DENND2B: variants seen among roughly 807,000 people sequenced by gnomAD.
The protein encoded by DENND2B is DENN domain-containing protein 2B.
A neutral mutation model predicts 116.0 loss-of-function variants in DENND2B; 32 were observed. The ratio of observed to expected loss-of-function variants is 0.28; its 90% CI spans 0.21 to 0.37. DENND2B has a LOEUF of 0.37. DENND2B is among the 10% of genes least tolerant of loss of function. DENND2B has a pLI of 1.00. For missense variants in DENND2B, 1,276 were observed against 1,477.7 expected, an observed-to-expected ratio of 0.86 and a Z score of 2.24; for synonymous variants, 588 against 583.9, an observed-to-expected ratio of 1.01 and a Z score of -0.10.
intron 1 of DENND2B, among the ~76,000 whole-genome samples, chr11:8,807,372 C>A (rs1232684407): frequency 3.9e-5 from 6 of 152,206 alleles, no homozygotes; most frequent in Non-Finnish European, 8.8e-5. Flanking sequence ...TTCTTAGAAT[C>A]AGATGCGGTG....
At chr11:8,859,401 G>A (rs1343486026) in intron 2 of DENND2B, among the ~76,000 whole-genome samples, 1 of 151,974 alleles carries the variant, frequency 6.6e-6, no homozygotes, top group Non-Finnish European at 1.5e-5. Flanking sequence ...TCCGCCTCCC[G>A]GGTTCACGCC....
chr11:8,822,286 A>G (rs2061796247), intron 4 of DENND2B, among the ~76,000 whole-genome samples: 1 of 152,232 alleles, frequency 6.6e-6, no homozygotes, highest in African/African-American at 2.4e-5. Context: ...ACACTGTGAA[A>G]CAACTATCAC....
In DENND2B at chr11:8,887,940, C is replaced by T. The variant is rs749677084; in HGVS notation, c.-255-6831G>A. Among the ~76,000 whole-genome samples the T allele has an allele frequency of 6.8e-4, 104 of 152,098 alleles. 1 individual carries two copies. The highest frequency in any genetic ancestry group is 1.3e-3 in the Non-Finnish European group (89 of 68,004). ...TGGAACATCTTAGCCTTCGTTACTA[C>T]TGGGGATGGGGAGAAAAAAATAAAC... On this transcript the variant is annotated intron_variant, in intron 1 of 22. Coordinates refer to the DENND2B transcript ENST00000534127.
At chr11:8,704,822 C>T (rs768558392) in intron 13 of DENND2B, among the ~76,000 whole-genome samples, 4 of 152,120 alleles carry the variant, frequency 2.6e-5, no homozygotes, top group African/African-American at 4.8e-5. Flanking sequence ...CTCAGCCTCC[C>T]GAGTGGCTGG....
intron 4 of DENND2B, among the ~76,000 whole-genome samples, chr11:8,832,826 G>T (rs1180594381): frequency 1.3e-5 from 2 of 152,238 alleles, no homozygotes; most frequent in Non-Finnish European, 2.9e-5. Context: ...CAGGAGGCGA[G>T]GACACAGTGG....
At chr11:8,880,664 C>G (rs1214101792) in intron 2 of DENND2B, among the ~76,000 whole-genome samples, 1 of 152,092 alleles carries the variant, frequency 6.6e-6, no homozygotes, top group Non-Finnish European at 1.5e-5. Context: ...GCTATGGTCA[C>G]GCATGTTATC....
chr11:8,901,954 T>C (rs557440036), intron 1 of DENND2B, among the ~76,000 whole-genome samples: 1 of 152,328 alleles, frequency 6.6e-6, no homozygotes, highest in Admixed American at 6.5e-5. Flanking sequence ...TGGAGTTTCC[T>C]ATAGGTGTCA....
chr11:8,858,125 A>G (rs558744213), intron 2 of DENND2B, among the ~76,000 whole-genome samples: 2 of 152,326 alleles, frequency 1.3e-5, no homozygotes, highest in East Asian at 3.9e-4. Flanking sequence ...GGCTGTAGTT[A>G]TCACCTGTAC....
At chr11:8,792,010 A>G (rs1219954849) in intron 1 of DENND2B, among the ~76,000 whole-genome samples, 3 of 152,102 alleles carry the variant, frequency 2.0e-5, no homozygotes, top group African/African-American at 4.8e-5. Context: ...GTTCAAGACC[A>G]GCCTGGCAAA....
intron 4 of DENND2B, among the ~76,000 whole-genome samples, chr11:8,838,566 C>A (rs1424051566): frequency 3.9e-5 from 6 of 152,114 alleles, no homozygotes; most frequent in Non-Finnish European, 7.3e-5. Context: ...GTGACCTATG[C>A]CAGAGAGGAA....
chr11:8,762,774 C>T (rs577855440), intron 1 of DENND2B, among the ~76,000 whole-genome samples: 2 of 152,258 alleles, frequency 1.3e-5, no homozygotes, highest in South Asian at 2.1e-4. Context: ...GCAGGAGAAT[C>T]GCTTGAACCC....
At chr11:8,835,958 T>C (rs2062404582) in intron 4 of DENND2B, among the ~76,000 whole-genome samples, 1 of 143,000 alleles carries the variant, frequency 7.0e-6, no homozygotes, top group Admixed American at 7.1e-5. Flanking sequence ...CAGAGTTCTA[T>C]GTCACCTAGC....
intron 14 of DENND2B, chr11:8,700,064 T>G (rs2041254318): frequency 2.3e-6 from 1 of 441,202 alleles, no homozygotes; most frequent in African/African-American, 2.0e-5. Context: ...GGAGCTGGCC[T>G]GGGGGGGGGC....
At chr11:8,824,807 G>A (rs1315864817) in intron 4 of DENND2B, among the ~76,000 whole-genome samples, 2 of 149,978 alleles carry the variant, frequency 1.3e-5, no homozygotes, top group African/African-American at 2.5e-5. Context: ...TCCTGCCTCA[G>A]CCTCCGAGTA....
At chr11:8,799,177 G>A (rs2060092447) in intron 1 of DENND2B, among the ~76,000 whole-genome samples, 1 of 152,108 alleles carries the variant, frequency 6.6e-6, no homozygotes, top group Non-Finnish European at 1.5e-5. Flanking sequence ...GTACTTATTA[G>A]AGTTCAGTTG....
chr11:8,735,297 C>T (rs2048825641), intron 2 of DENND2B, among the ~76,000 whole-genome samples: 1 of 152,064 alleles, frequency 6.6e-6, no homozygotes, highest in East Asian at 1.9e-4. Flanking sequence ...GGAATGTGAC[C>T]GAGGCACCTC....
intron 4 of DENND2B, among the ~76,000 whole-genome samples, chr11:8,821,151 A>T (rs2061748036): frequency 1.3e-5 from 2 of 151,146 alleles, no homozygotes; most frequent in African/African-American, 4.8e-5. Flanking sequence ...AATTAATTTA[A>T]TTTAATTTAA....
intron 1 of DENND2B, among the ~76,000 whole-genome samples, chr11:8,900,598 C>CA (rs546601662): frequency 0.027 from 3,495 of 129,606 alleles, 47 homozygotes; most frequent in Non-Finnish European, 0.038. Flanking sequence ...GACCCTGTCT[C>CA]AAAAAAAAAA....
intron 4 of DENND2B, among the ~76,000 whole-genome samples, chr11:8,825,604 AAT>A (rs879779657): frequency 4.6e-5 from 7 of 152,066 alleles, no homozygotes; most frequent in Non-Finnish European, 8.8e-5. Context: ...ACAATTATCA[AAT>A]ATGTTTATGA....
Sources: allele counts gnomAD v4.1 joint callset (sites outside exome capture counted in the v4.1 genomes callset), GRCh38; gene constraint gnomAD v4.1.1; transcripts MANE v1.5; gene names NCBI Gene and HGNC (gene_info 2026-07-23, HGNC 2026-07-21).